The following BCAS3 variants were observed in gnomAD, a reference collection of about 807,000 sequenced individuals.
The protein encoded by BCAS3 is BCAS3 microtubule associated cell migration factor, also known as BCAS4/BCAS3 fusion.
A neutral mutation model predicts 116.1 loss-of-function variants in BCAS3; 53 were observed. The observed-to-expected ratio is 0.46, with a 90% confidence interval of 0.37 to 0.57. BCAS3 has a LOEUF of 0.57. BCAS3 is among the 20% of genes least tolerant of loss of function. The probability of loss-of-function intolerance (pLI) is 0.00; values close to 1 mark genes in which losing one functional copy is unlikely to be tolerated. For missense variants in BCAS3, 917 were observed against 1,165.4 expected, an observed-to-expected ratio of 0.79 and a Z score of 3.10; for synonymous variants, 391 against 408.2, an observed-to-expected ratio of 0.96 and a Z score of 0.51.
intron 9 of BCAS3, among the ~76,000 whole-genome samples, chr17:60,888,470 T>C (rs2056895282): frequency 6.6e-6 from 1 of 152,162 alleles, no homozygotes; most frequent in Non-Finnish European, 1.5e-5. Context: ...AGCTCTGAAA[T>C]TGTCAGCGGA....
At chr17:61,269,026 A>G (rs1306076977) in intron 22 of BCAS3, among the ~76,000 whole-genome samples, 1 of 151,914 alleles carries the variant, frequency 6.6e-6, no homozygotes, top group Non-Finnish European at 1.5e-5. Flanking sequence ...ATCAGTGGAC[A>G]TTTAGGTTGC....
chr17:60,938,927 C>T (rs570651662), intron 13 of BCAS3, among the ~76,000 whole-genome samples: 1 of 152,126 alleles, frequency 6.6e-6, no homozygotes, highest in African/African-American at 2.4e-5. Context: ...ATTAAAAAGA[C>T]TGACAGTATC....
At chr17:60,886,647 T>G (rs1303588720) in intron 9 of BCAS3, among the ~76,000 whole-genome samples, 3 of 151,862 alleles carry the variant, frequency 2.0e-5, no homozygotes, top group African/African-American at 7.3e-5. Flanking sequence ...TTCTGTTTGT[T>G]AGTTTTCCTT....
intron 22 of BCAS3, among the ~76,000 whole-genome samples, chr17:61,308,683 T>C (rs1012481019): frequency 6.6e-5 from 10 of 152,048 alleles, no homozygotes; most frequent in African/African-American, 2.4e-4. Context: ...TTAAGTTGCA[T>C]TGGTTAAGAA....
chr17:60,843,315 C>T (rs183939284), intron 7 of BCAS3, among the ~76,000 whole-genome samples: 1 of 151,572 alleles, frequency 6.6e-6, no homozygotes, highest in Non-Finnish European at 1.5e-5. Flanking sequence ...TTCCCGTGTT[C>T]AAGCGATTCT....
chr17:60,753,812 T>C (rs1319838228), intron 6 of BCAS3, among the ~76,000 whole-genome samples: 1 of 150,528 alleles, frequency 6.6e-6, no homozygotes, highest in Non-Finnish European at 1.5e-5. Flanking sequence ...ATTTCTGTTT[T>C]ATTATGGAAT....
At chr17:60,949,910 A>G (rs1469289202) in intron 14 of BCAS3, among the ~76,000 whole-genome samples, 1 of 152,214 alleles carries the variant, frequency 6.6e-6, no homozygotes, top group Non-Finnish European at 1.5e-5. Flanking sequence ...CATTACAAAT[A>G]TGACTTGATT....
At chr17:61,193,863 T>C (rs955881402) in intron 22 of BCAS3, among the ~76,000 whole-genome samples, 6 of 149,856 alleles carry the variant, frequency 4.0e-5, no homozygotes, top group Non-Finnish European at 7.4e-5. Context: ...ACACCTGTAA[T>C]CCCAGCACTT....
intron 6 of BCAS3, among the ~76,000 whole-genome samples, chr17:60,766,047 A>T (rs1223896092): frequency 1.3e-5 from 2 of 152,108 alleles, no homozygotes; most frequent in South Asian, 2.1e-4. Flanking sequence ...AGGTCATTTA[A>T]GGTCTTCTTT....
At chr17:60,872,336 C>T (rs2144904341) in intron 8 of BCAS3, among the ~76,000 whole-genome samples, 1 of 151,506 alleles carries the variant, frequency 6.6e-6, no homozygotes, top group South Asian at 2.1e-4. Context: ...TATGTATATG[C>T]ACACATACAC....
At chr17:61,290,365 A>G (rs1248889837) in intron 22 of BCAS3, among the ~76,000 whole-genome samples, 1 of 152,164 alleles carries the variant, frequency 6.6e-6, no homozygotes, top group Non-Finnish European at 1.5e-5. Context: ...ATAGATGAAA[A>G]AAGAGTGGCA....
rs889522057 is a variant in BCAS3 at position 61,352,906 on chromosome 17, T to C, written c.2426-15421T>C. On this transcript the variant is annotated intron_variant, in intron 22 of 23. Transcript: ENST00000407086. The surrounding 1 kb of genome is among the most constrained non-coding windows in gnomAD (Gnocchi z 4.7). ...AGGCTGCTAGCGGGAGGTATGAATT[T>C]CTCTTGTTTGCTTTAATGGAGTGTT... 6.6e-6 allele frequency among the ~76,000 whole-genome samples: 1 copy of C among 152,158 alleles called. No homozygotes were observed. The highest frequency in any genetic ancestry group is 1.5e-5 in the Non-Finnish European group (1 of 68,022).
At chr17:60,707,925 A>G (rs1286216656) in intron 4 of BCAS3, among the ~76,000 whole-genome samples, 3 of 152,158 alleles carry the variant, frequency 2.0e-5, no homozygotes, top group East Asian at 3.8e-4. Flanking sequence ...TTTTATATAT[A>G]CATTCATGAG....
At chr17:60,799,721 T>C (rs1375764495) in intron 6 of BCAS3, among the ~76,000 whole-genome samples, 2 of 133,644 alleles carry the variant, frequency 1.5e-5, no homozygotes, top group Non-Finnish European at 3.1e-5. Context: ...TTTTTTTTTT[T>C]TTTTTTTTTT....
At chr17:60,684,258 A>C (rs2033694797) in intron 3 of BCAS3, among the ~76,000 whole-genome samples, 1 of 152,208 alleles carries the variant, frequency 6.6e-6, no homozygotes, top group Non-Finnish European at 1.5e-5. Context: ...CTTCCTAAGA[A>C]GAATCAAGGT....
chr17:60,972,753 G>A (rs1378788610), intron 14 of BCAS3, among the ~76,000 whole-genome samples: 1 of 152,128 alleles, frequency 6.6e-6, no homozygotes, highest in Non-Finnish European at 1.5e-5. Context: ...TGTCCAGCCC[G>A]AAAGTGCACG....
rs1430972666 is a variant in BCAS3 at position 61,084,423 on chromosome 17, T to C, written c.2328-44T>C. ...AGGTCATTTGTAGCAAGTGACAGTTTTGATGCCAGTAACATATGTGAATTA... is the reference window on the plus strand; with the variant it reads ...AGGTCATTTGTAGCAAGTGACAGTTCTGATGCCAGTAACATATGTGAATTA... On this transcript the variant is annotated intron_variant, in intron 21 of 23. Transcript: ENST00000407086. This position sits in a 1 kb window ranked among gnomAD's most constrained non-coding sequence, Gnocchi z 5.5. 2 of 1,495,244 alleles carry C rather than the reference T, an allele frequency of 1.3e-6. No individual in the cohort carries two copies. Among genetic ancestry groups the C allele is most frequent in the African/African-American group, 2.8e-5 (2 of 71,650 alleles). The allele number at this position is 1,495,244 out of a possible 1,614,324, so 92.6% of individuals were successfully genotyped here.
intron 7 of BCAS3, among the ~76,000 whole-genome samples, chr17:60,861,612 G>A (rs774263377): frequency 5.9e-5 from 9 of 152,048 alleles, no homozygotes; most frequent in African/African-American, 1.4e-4. Flanking sequence ...GTTCGGTATC[G>A]TGTTGGCTGT....
chr17:61,060,794 G>A (rs1470715840), intron 19 of BCAS3, among the ~76,000 whole-genome samples: 1 of 152,146 alleles, frequency 6.6e-6, no homozygotes, highest in African/African-American at 2.4e-5. Flanking sequence ...TCACTATTGT[G>A]TCTTTTTACC....
Sources: gnomAD v4.1 joint callset for allele counts (sites outside exome capture counted in the v4.1 genomes callset) on GRCh38, gnomAD v4.1.1 for gene constraint, Gnocchi (gnomAD v3.1) non-coding constraint, MANE v1.5 for transcripts, NCBI Gene and HGNC (gene_info 2026-07-23, HGNC 2026-07-21) for gene names.